ENPP1: variants seen among roughly 807,000 people sequenced by gnomAD.
The protein encoded by ENPP1 is ectonucleotide pyrophosphatase/phosphodiesterase family member 1.
In ENPP1, 73 loss-of-function variants were observed where a neutral mutation model predicts 122.8. The observed-to-expected ratio is 0.59, with a 90% confidence interval of 0.49 to 0.72. ENPP1 has a LOEUF of 0.72. Ranked by LOEUF, ENPP1 falls within the 30% of genes least tolerant of loss-of-function variation. The pLI, the probability that ENPP1 is intolerant of heterozygous loss-of-function variation, is 0.00. For synonymous variants in ENPP1, 367 were observed against 391.6 expected (o/e 0.94, Z 0.74); for missense variants, 978 against 1,128.1 (o/e 0.87, Z 1.91).
At chr6:131,817,452 G>C (rs572983680) in intron 1 of ENPP1, among the ~76,000 whole-genome samples, 27 of 152,170 alleles carry the variant, frequency 1.8e-4, no homozygotes, top group Non-Finnish European at 3.1e-4. Flanking sequence ...TTAGTGTGAA[G>C]TCAACAATCA....
intron 1 of ENPP1, among the ~76,000 whole-genome samples, chr6:131,824,409 G>A (rs1781519389): frequency 1.3e-5 from 2 of 152,048 alleles, no homozygotes; most frequent in African/African-American, 4.8e-5. Flanking sequence ...GGGATGAGGT[G>A]GGAAATGTTG....
At chr6:131,859,543 G>A (rs939399574) in intron 7 of ENPP1, among the ~76,000 whole-genome samples, 4 of 151,920 alleles carry the variant, frequency 2.6e-5, no homozygotes, top group Admixed American at 2.0e-4. Flanking sequence ...ACACCACCAC[G>A]CCCGGCTAAT....
chr6:131,864,140 G>T (rs1230752220), intron 9 of ENPP1, among the ~76,000 whole-genome samples: 1 of 152,116 alleles, frequency 6.6e-6, no homozygotes, highest in Non-Finnish European at 1.5e-5. Flanking sequence ...CTCCTCAGGG[G>T]CCTGCTTCAC....
chr6:131,875,153 T>A (rs144011329), intron 16 of ENPP1, among the ~76,000 whole-genome samples: 4,027 of 152,256 alleles, frequency 0.026, 75 homozygotes, highest in Middle Eastern at 0.054. Flanking sequence ...AAGCTCAGAC[T>A]TCACCACTGT....
At chr6:131,842,812 C>T (rs2114683076) in intron 1 of ENPP1, among the ~76,000 whole-genome samples, 1 of 152,136 alleles carries the variant, frequency 6.6e-6, no homozygotes, top group South Asian at 2.1e-4. Context: ...ACTCGTATTT[C>T]AATGAATGCC....
intron 22 of ENPP1, among the ~76,000 whole-genome samples, 167 bp from the exon 23 acceptor site, chr6:131,884,764 G>A (rs1299764153): frequency 1.3e-5 from 2 of 152,252 alleles, no homozygotes; most frequent in Middle Eastern, 3.4e-3. Context: ...GATATAGCAC[G>A]ACTCTGTCTC....
At chr6:131,827,909 A>C in intron 1 of ENPP1, 2 of 1,278,848 alleles carry the variant, frequency 1.6e-6, no homozygotes, top group Non-Finnish European at 2.3e-6. Context: ...ACTGTTTCTG[A>C]CAGGGTGCAG....
intron 1 of ENPP1, among the ~76,000 whole-genome samples, chr6:131,816,628 G>A (rs952193766): frequency 2.0e-5 from 3 of 152,194 alleles, no homozygotes; most frequent in Non-Finnish European, 2.9e-5. Flanking sequence ...TATTTTCTGA[G>A]TATTCTAGTT....
chr6:131,865,655 T>G (rs1782079975), intron 11 of ENPP1, among the ~76,000 whole-genome samples: 1 of 152,180 alleles, frequency 6.6e-6, no homozygotes, highest in South Asian at 2.1e-4. Flanking sequence ...ACAATTACTT[T>G]TGCACCAACC....
At chr6:131,832,667 T>G (rs1484357592) in intron 1 of ENPP1, among the ~76,000 whole-genome samples, 1 of 152,190 alleles carries the variant, frequency 6.6e-6, no homozygotes, top group African/African-American at 2.4e-5. Context: ...ATCAGGGTCT[T>G]TCATGCAGCT....
intron 1 of ENPP1, among the ~76,000 whole-genome samples, chr6:131,829,039 G>A (rs1004190863): frequency 6.6e-6 from 1 of 152,196 alleles, no homozygotes; most frequent in East Asian, 1.9e-4. Flanking sequence ...TGCACATTAT[G>A]TTCTTTCCAC....
intron 1 of ENPP1, among the ~76,000 whole-genome samples, chr6:131,829,380 C>G (rs531902716): frequency 6.6e-6 from 1 of 152,114 alleles, no homozygotes; most frequent in South Asian, 2.1e-4. Flanking sequence ...TTTTTTTAAA[C>G]CAACTGAAGA....
chr6:131,882,435 A>C lies in ENPP1; in HGVS notation c.2191A>C (p.Asn731His), dbSNP rs748292010. Reference protein sequence around the residue: ...SPVHKCSFYKNNTKVSYGFLS... With the variant: ...SPVHKCSFYKHNTKVSYGFLS... ...TGTCCATAAATGTTCATTTTATAAA[A>C]ATAACACCAAAGTGAGTTACGGGTT... Residue 731 changes from asparagine to histidine, a missense_variant, in exon 21 of 25, where the codon AAT becomes CAT. Physicochemically the swap from Asn to His is moderately conservative, Grantham distance 68. This residue lies in a region of ENPP1 where 644 missense variants were observed against 781.5 expected (regional missense o/e 0.82). Transcript: ENST00000647893. 50 of 1,610,224 alleles carry C rather than the reference A, an allele frequency of 3.1e-5. No individual in the cohort carries two copies. Among genetic ancestry groups the C allele is most frequent in the Non-Finnish European group, 4.2e-5 (49 of 1,177,556 alleles).
intron 1 of ENPP1, among the ~76,000 whole-genome samples, chr6:131,842,179 A>G (rs1781748809): frequency 1.3e-5 from 2 of 152,120 alleles, no homozygotes; most frequent in African/African-American, 4.8e-5. Context: ...CTGTCTTGTG[A>G]TGTTATAGTT....
At chr6:131,855,204 C>T (rs1312765587) in intron 6 of ENPP1, among the ~76,000 whole-genome samples, 181 bp downstream of exon 6, 4 of 151,990 alleles carry the variant, frequency 2.6e-5, no homozygotes, top group African/African-American at 9.7e-5. Flanking sequence ...CTGAAGCTGC[C>T]CTTCAAAAAA....
chr6:131,846,952 A>G (rs1014443695), intron 1 of ENPP1, among the ~76,000 whole-genome samples: 6 of 152,204 alleles, frequency 3.9e-5, no homozygotes, highest in Admixed American at 1.3e-4. Context: ...GAAAGTGGCA[A>G]AGTGTTAGCA....
intron 4 of ENPP1, 59 bp from the exon 5 acceptor site, chr6:131,852,116 G>A (rs573918727): frequency 9.1e-7 from 1 of 1,094,762 alleles, no homozygotes; most frequent in Non-Finnish European, 1.4e-6. Flanking sequence ...TGTCTCACAA[G>A]CATCACAATT....
intron 1 of ENPP1, chr6:131,819,736 C>A (rs943004): frequency 1.1e-5 from 3 of 282,986 alleles, no homozygotes; most frequent in East Asian, 1.1e-4. Context: ...GCCAGCCCCC[C>A]ACTTCTTGAT....
chr6:131,863,840 C>T (rs1045842911), intron 9 of ENPP1, among the ~76,000 whole-genome samples: 6 of 151,940 alleles, frequency 3.9e-5, no homozygotes, highest in African/African-American at 4.8e-5. Flanking sequence ...TGTTTGAACC[C>T]GGGAGGTGGA....
Sources: gnomAD v4.1 joint callset for allele counts (sites outside exome capture counted in the v4.1 genomes callset) on GRCh38, gnomAD v4.1.1 for gene constraint, gnomAD v4.1.1 regional missense constraint, MANE v1.5 for transcripts, NCBI Gene and HGNC (gene_info 2026-07-23, HGNC 2026-07-21) for gene names.